The following CTTN variants were observed in gnomAD, a reference collection of about 807,000 sequenced individuals.
The protein encoded by CTTN is cortactin.
CTTN carries 28 observed loss-of-function variants against 84.0 expected under a neutral mutation model. That is an observed-to-expected ratio of 0.33 (90% CI 0.25 to 0.46). The LOEUF is 0.46. CTTN is among the 20% of genes least tolerant of loss of function. The probability of loss-of-function intolerance (pLI) is 1.00; values close to 1 mark genes in which losing one functional copy is unlikely to be tolerated. For synonymous variants in CTTN, 301 were observed against 288.8 expected (o/e 1.04, Z -0.43); for missense variants, 641 against 723.8 (o/e 0.89, Z 1.31).
At chr11:70,434,253 G>A (rs1489799850) in intron 17 of CTTN, among the ~76,000 whole-genome samples, 1 of 152,242 alleles carries the variant, frequency 6.6e-6, no homozygotes, top group Non-Finnish European at 1.5e-5. Context: ...TGCTCTGGTG[G>A]CGGTGAGGTC....
rs2058327052 is a variant in CTTN, at chr11:70,429,043, C to T, written c.1028-8C>T. On this transcript the variant is annotated splice_polypyrimidine_tract_variant and splice_region_variant and intron_variant, in intron 13 of 17. Coordinates refer to ENST00000301843, the MANE Select transcript of CTTN (RefSeq NM_005231.4). Reference sequence around the variant, plus strand: ...TCAAGGCACACGTCCTCCCTCCTTCCTCTATAGTGACCAGCAAAACAAGTA... The same window carrying T: ...TCAAGGCACACGTCCTCCCTCCTTCTTCTATAGTGACCAGCAAAACAAGTA... The T allele has an allele frequency of 6.2e-7, 1 of 1,614,200 alleles. No homozygotes were observed.
chr11:70,435,003 TTTC>T lies in CTTN; in HGVS notation c.1517-21_1517-19del, dbSNP rs1420589886. The stretch of plus-strand genomic sequence containing the variant: ...CAGGAAACGCTTGCACTTCAGCATC[TTTC>T]TCTGTGTTCTCTTCCCCAGCGGGCG... On this transcript the variant is annotated intron_variant, in intron 17 of 17. Coordinates refer to ENST00000301843, the MANE Select transcript of CTTN (RefSeq NM_005231.4). The T allele has an allele frequency of 6.2e-7, 1 of 1,613,108 alleles. No individual in the cohort carries two copies. Among genetic ancestry groups the T allele is most frequent in the Non-Finnish European group, 8.5e-7 (1 of 1,179,516 alleles).
At chr11:70,416,013 C>G (rs1437936750) in intron 7 of CTTN, 1 of 382,584 alleles carries the variant, frequency 2.6e-6, no homozygotes, top group African/African-American at 2.0e-5. Flanking sequence ...AGCCGCCTTC[C>G]CTTCATCTGG....
chr11:70,404,498 C>T (rs1386891261), intron 1 of CTTN, among the ~76,000 whole-genome samples: 2 of 152,222 alleles, frequency 1.3e-5, no homozygotes, highest in East Asian at 3.9e-4. Flanking sequence ...TCTTGATAGA[C>T]AGTCACCATA....
At chr11:70,422,687 C>T (rs1440640482) in intron 11 of CTTN, 32 of 1,430,214 alleles carry the variant, frequency 2.2e-5, no homozygotes, top group Non-Finnish European at 2.7e-5. Context: ...GCCGCCCCTC[C>T]TGCCCCTCCT....
In CTTN at chr11:70,435,141, C is replaced by T. The variant is rs755150574; in HGVS notation, c.1632C>T (p.Asn544=). Residue 544 remains asparagine (N), a synonymous_variant, in exon 18 of 18, where the codon AAC becomes AAT. Coordinates refer to ENST00000301843, the MANE Select transcript of CTTN (RefSeq NM_005231.4). ...CKGRYGLFPA[N]YVELRQ is the part of the protein sequence containing the mutation. ...GCCGGTACGGGCTCTTCCCAGCCAA[C>T]TATGTGGAGCTGCGGCAGTAGGGCC... The T allele has an allele frequency of 6.2e-6, 10 of 1,611,368 alleles. No homozygotes were observed. In the South Asian group the frequency reaches 9.9e-5, roughly 16 times the overall value.
intron 1 of CTTN, among the ~76,000 whole-genome samples, chr11:70,401,035 C>T (rs2057972829): frequency 6.6e-6 from 1 of 152,144 alleles, no homozygotes; most frequent in African/African-American, 2.4e-5. Context: ...TCTGTCCTGT[C>T]ATTTAAAACA....
At chr11:70,406,048 A>AT (rs2058037959) in intron 2 of CTTN, among the ~76,000 whole-genome samples, 1 of 152,294 alleles carries the variant, frequency 6.6e-6, no homozygotes, top group African/African-American at 2.4e-5. Context: ...CCGTTCTGAG[A>AT]TTCTAGTTCA....
At chr11:70,420,119 G>C (rs2058213576) in intron 9 of CTTN, 13 of 598,350 alleles carry the variant, frequency 2.2e-5, no homozygotes, top group Non-Finnish European at 3.8e-5. Context: ...GCCCGTGTGA[G>C]CCTGTGCTGT....
intron 8 of CTTN, among the ~76,000 whole-genome samples, chr11:70,417,822 G>A (rs1414376754): frequency 6.6e-6 from 1 of 152,170 alleles, no homozygotes; most frequent in African/African-American, 2.4e-5. Flanking sequence ...GAACATTCTT[G>A]TACCTGTGTT....
chr11:70,436,402 C>A lies in CTTN; in HGVS notation c.*1240C>A. 2 of 1,597,988 alleles carry A rather than the reference C, an allele frequency of 1.3e-6. No homozygotes were observed. The highest frequency in any genetic ancestry group is 8.5e-7 in the Non-Finnish European group (1 of 1,179,658). On this transcript the variant is annotated 3_prime_UTR_variant, in exon 18 of 18. Coordinates refer to ENST00000301843, the MANE Select transcript of CTTN (RefSeq NM_005231.4). ...GTCTCGGGACTTGGGTCCCGGAGTG[C>A]CCGTGAAGCGTGTTTTTGCTCCTGA... is the stretch of plus-strand genomic sequence containing the variant.
rs75149527 is a variant in CTTN, at chr11:70,430,373, T to C, written c.1177-818T>C. ...CACACAGCACACAGCTAGTGTCTTA[T>C]AGCTCTGGAGGTCAGAGGTCCTCAA... is the stretch of plus-strand genomic sequence containing the variant. On this transcript the variant is annotated intron_variant, in intron 14 of 17. Coordinates refer to ENST00000301843, the MANE Select transcript of CTTN (RefSeq NM_005231.4). 2.5e-4 allele frequency among the ~76,000 whole-genome samples: 38 copies of C among 152,338 alleles called. No individual in the cohort carries two copies. The South Asian group carries it at 3.1e-3, about 12-fold the overall frequency.
chr11:70,432,944 G>A (rs1016560583), intron 15 of CTTN, among the ~76,000 whole-genome samples, 157 bp from the exon 16 acceptor site: 7 of 152,192 alleles, frequency 4.6e-5, no homozygotes, highest in African/African-American at 7.2e-5. Context: ...TGAACACACC[G>A]GCAGGCCTGG....
In CTTN at chr11:70,411,302, G is replaced by A. The variant is rs1488465115; in HGVS notation, c.291+1342G>A. ...GCGAAGCGTGTGCACACGGACAGAC[G>A]GAATCCATGTGTTCAGTGCAGCGAG... is the stretch of plus-strand genomic sequence containing the variant. On this transcript the variant is annotated intron_variant, in intron 5 of 17. Coordinates refer to ENST00000301843, the MANE Select transcript of CTTN (RefSeq NM_005231.4). Among the ~76,000 whole-genome samples, 7 of 102,734 alleles carry A rather than the reference G, an allele frequency of 6.8e-5. No homozygotes were observed. The Admixed American group carries it at 7.1e-4, about 10-fold the overall frequency. The allele number at this position is 102,734 out of a possible 152,430, so 67.4% of individuals were successfully genotyped here. A position where few individuals can be genotyped will look rare whatever the true frequency, so the allele number is the denominator to read the frequency against.
chr11:70,417,541 G>T (rs564906163), intron 8 of CTTN, among the ~76,000 whole-genome samples: 3 of 151,674 alleles, frequency 2.0e-5, no homozygotes, highest in African/African-American at 7.3e-5. Flanking sequence ...CGTTGCCCAG[G>T]CTGGAGTGTA....
intron 11 of CTTN, 152 bp from the exon 12 acceptor site, chr11:70,422,788 G>T: frequency 6.7e-7 from 1 of 1,482,432 alleles, no homozygotes; most frequent in Non-Finnish European, 9.0e-7. Context: ...AGCAAAACTT[G>T]CCTTGCAAGT....
In CTTN at chr11:70,434,899, G is replaced by A. The variant is rs1591454714; in HGVS notation, c.1517-127G>A. The stretch of plus-strand genomic sequence containing the variant: ...GAGAGGCAGCAGGAGCCTCCGCGGT[G>A]GTCCGCATCTCTGCAGGGGGCATCT... On this transcript the variant is annotated intron_variant, in intron 17 of 17. Coordinates refer to ENST00000301843, the MANE Select transcript of CTTN (RefSeq NM_005231.4). 7.2e-6 allele frequency: 7 copies of A among 971,020 alleles called. No individual in the cohort carries two copies. The East Asian group carries it at 1.4e-4, about 20-fold the overall frequency. The allele number at this position is 971,020 out of a possible 1,614,324, so 60.2% of individuals were successfully genotyped here. A position where few individuals can be genotyped will look rare whatever the true frequency, so the allele number is the denominator to read the frequency against.
At chr11:70,412,788 G>A (rs904941254) in intron 5 of CTTN, among the ~76,000 whole-genome samples, 3 of 152,172 alleles carry the variant, frequency 2.0e-5, no homozygotes, top group African/African-American at 7.2e-5. Flanking sequence ...AATCTCCCCA[G>A]CGTGATTGTT....
At chr11:70,416,470 T>C (rs770208203) in intron 7 of CTTN, among the ~76,000 whole-genome samples, 2 of 152,216 alleles carry the variant, frequency 1.3e-5, no homozygotes, top group Non-Finnish European at 2.9e-5. Flanking sequence ...CTCGCTCTGT[T>C]GCCCAGGCTG....
Sources: gnomAD v4.1 joint callset for allele counts (sites outside exome capture counted in the v4.1 genomes callset) on GRCh38, gnomAD v4.1.1 for gene constraint, MANE v1.5 for transcripts, NCBI Gene and HGNC (gene_info 2026-07-23, HGNC 2026-07-21) for gene names.